Variants in ADK observed in about 807,000 individuals in gnomAD.
ADK encodes adenosine kinase.
Under a neutral mutation model 44.7 loss-of-function variants are expected in ADK, and 24 were observed. That is an observed-to-expected ratio of 0.54 (90% CI 0.39 to 0.76). ADK has a LOEUF of 0.76. Among genes scored for constraint, ADK ranks in the 30% least tolerant of loss-of-function variants. The pLI, the probability that ADK is intolerant of heterozygous loss-of-function variation, is 0.00. For missense variants in ADK, 321 were observed against 425.1 expected, an observed-to-expected ratio of 0.76 and a Z score of 2.15; for synonymous variants, 128 against 142.6, an observed-to-expected ratio of 0.90 and a Z score of 0.73.
chr10:74,160,308 A>T lies in ADK; in HGVS notation c.65+8965A>T, dbSNP rs1279136722. On this transcript the variant is annotated intron_variant, in intron 1 of 10. Coordinates refer to ENST00000539909, the MANE Select transcript of ADK (RefSeq NM_006721.4). ...TGGAAGTTACCACCCTTTTCCTAGA[A>T]ATTTCTGCATAATCTGCCTCTTAAT... Among the ~76,000 whole-genome samples, 57 of 152,150 alleles carry T rather than the reference A, an allele frequency of 3.7e-4. 1 individual carries two copies. The highest frequency in any genetic ancestry group is 3.6e-3 in the Admixed American group (55 of 15,278).
intron 9 of ADK, among the ~76,000 whole-genome samples, chr10:74,611,523 G>T (rs1440799268): frequency 6.6e-6 from 1 of 150,812 alleles, no homozygotes. Flanking sequence ...AATTGGGGGA[G>T]GGTGTGATAC....
At chr10:74,377,164 A>G (rs901386644) in intron 4 of ADK, among the ~76,000 whole-genome samples, 2 of 152,192 alleles carry the variant, frequency 1.3e-5, no homozygotes, top group Non-Finnish European at 2.9e-5. Flanking sequence ...TTTTTAAAGC[A>G]TGTGTTTTAG....
At chr10:74,161,360 C>T (rs1175811417) in intron 1 of ADK, among the ~76,000 whole-genome samples, 1 of 152,056 alleles carries the variant, frequency 6.6e-6, no homozygotes, top group Non-Finnish European at 1.5e-5. Flanking sequence ...CACCACCACA[C>T]CTGGCTAAAT....
chr10:74,667,169 A>G (rs1247987837), intron 9 of ADK, among the ~76,000 whole-genome samples: 1 of 152,110 alleles, frequency 6.6e-6, no homozygotes, highest in Admixed American at 6.6e-5. Flanking sequence ...AGCTTAAGTC[A>G]TTTGAAAATC....
At chr10:74,175,970 A>G (rs1050738420) in intron 1 of ADK, among the ~76,000 whole-genome samples, 5 of 111,054 alleles carry the variant, frequency 4.5e-5, no homozygotes, top group Non-Finnish European at 7.5e-5. Context: ...TTTCCCCTCT[A>G]TGGTCTTAGA....
intron 1 of ADK, among the ~76,000 whole-genome samples, chr10:74,159,083 ATGT>A (rs1841827034): frequency 6.6e-6 from 1 of 152,192 alleles, no homozygotes; most frequent in African/African-American, 2.4e-5. Context: ...ATTATTTCTG[ATGT>A]TGTTTGTACT....
chr10:74,252,036 C>G (rs1227594950), intron 3 of ADK, among the ~76,000 whole-genome samples: 1 of 151,318 alleles, frequency 6.6e-6, no homozygotes, highest in Non-Finnish European at 1.5e-5. Context: ...TGATATCTGA[C>G]CAATAACTCA....
intron 6 of ADK, among the ~76,000 whole-genome samples, chr10:74,450,980 G>C (rs1052646926): frequency 6.8e-6 from 1 of 147,222 alleles, no homozygotes. Context: ...TTAAATATTA[G>C]AAAAATGCCC....
At chr10:74,659,669 G>A (rs916499548) in intron 9 of ADK, among the ~76,000 whole-genome samples, 2 of 152,142 alleles carry the variant, frequency 1.3e-5, no homozygotes, top group Non-Finnish European at 2.9e-5. Flanking sequence ...TCCCACAATA[G>A]ACCACCTACA....
intron 6 of ADK, among the ~76,000 whole-genome samples, chr10:74,462,649 G>A (rs1846212763): frequency 6.6e-6 from 1 of 152,114 alleles, no homozygotes; most frequent in African/African-American, 2.4e-5. Flanking sequence ...TAGTCTCTTG[G>A]CATTCAAAAA....
intron 6 of ADK, among the ~76,000 whole-genome samples, chr10:74,449,757 C>T (rs1447915341): frequency 1.3e-5 from 2 of 151,938 alleles, no homozygotes; most frequent in Non-Finnish European, 2.9e-5. Context: ...TGTGTGGTGA[C>T]TAAGAGAGTA....
chr10:74,247,945 A>G (rs1845489369), intron 3 of ADK, among the ~76,000 whole-genome samples: 1 of 152,220 alleles, frequency 6.6e-6, no homozygotes, highest in African/African-American at 2.4e-5. Flanking sequence ...TTTTATCAAG[A>G]GGATAATAAT....
At chr10:74,431,066 CAAAAAAAAAAAAAA>C (rs35141788) in intron 6 of ADK, among the ~76,000 whole-genome samples, 1 of 57,238 alleles carries the variant, frequency 1.7e-5, no homozygotes, top group African/African-American at 8.1e-5. Flanking sequence ...GACTCCGTCT[CAAAAAAAAAAAAAA>C]AAAAAAAAAA....
intron 3 of ADK, among the ~76,000 whole-genome samples, chr10:74,245,113 G>A (rs910780978): frequency 2.0e-5 from 3 of 152,158 alleles, no homozygotes; most frequent in African/African-American, 7.2e-5. Context: ...TGTGAAATTA[G>A]AGATTAAACT....
Position 74,371,790 on chromosome 10 carries a change from G to A in ADK, c.274-22351G>A, listed in dbSNP as rs2131975918. 8 of 1,308,848 alleles carry A rather than the reference G, an allele frequency of 6.1e-6. No individual in the cohort carries two copies. In the South Asian group the frequency reaches 8.2e-5, roughly 13 times the overall value. 81.1% of individuals were successfully genotyped at this position (1,308,848 alleles called of 1,614,324 possible). ...ATCCTCCAGGAATATTGGCCAAAGG[G>A]CTGTGCTGAAGTTTGCTGCTGCCAC... On this transcript the variant is annotated intron_variant, in intron 4 of 10. Transcript: ENST00000539909.
rs551379748 is a variant in ADK, at chr10:74,617,769, T to C, written c.877+17276T>C. On this transcript the variant is annotated intron_variant, in intron 9 of 10. Transcript: ENST00000539909. ...TACCACCACGCTAATTTTTTAAATT[T>C]TTTGAAGAGACGAGGTCTCACTGTC... Among the ~76,000 whole-genome samples, 14 of 152,064 alleles carry C rather than the reference T, an allele frequency of 9.2e-5. 1 individual carries two copies. In the South Asian group the frequency reaches 2.9e-3, roughly 32 times the overall value.
At chr10:74,382,684 G>A (rs1025463608) in intron 4 of ADK, among the ~76,000 whole-genome samples, 5 of 152,052 alleles carry the variant, frequency 3.3e-5, no homozygotes, top group Non-Finnish European at 7.4e-5. Flanking sequence ...ATAAGATACA[G>A]TATTTTAAAA....
At chr10:74,191,398 A>C (rs909706418) in intron 1 of ADK, among the ~76,000 whole-genome samples, 1 of 151,900 alleles carries the variant, frequency 6.6e-6, no homozygotes, top group African/African-American at 2.4e-5. Context: ...GCATTAAAAA[A>C]AATTATTTTA....
intron 6 of ADK, among the ~76,000 whole-genome samples, chr10:74,468,885 TATC>T (rs1389254903): frequency 3.3e-5 from 5 of 152,194 alleles, no homozygotes; most frequent in African/African-American, 1.2e-4. Flanking sequence ...CATATTAAAA[TATC>T]ATCTCAGTAA....
Sources: allele counts gnomAD v4.1 joint callset (sites outside exome capture counted in the v4.1 genomes callset), GRCh38; gene constraint gnomAD v4.1.1; transcripts MANE v1.5; gene names NCBI Gene and HGNC (gene_info 2026-07-23, HGNC 2026-07-21).